The following XYLT1 variants were observed in gnomAD, a reference collection of about 807,000 sequenced individuals.
XYLT1 encodes xylosyltransferase 1, also known as beta-D-xylosyltransferase 1.
XYLT1 carries 36 observed loss-of-function variants against 91.3 expected under a neutral mutation model. The observed-to-expected ratio is 0.39, with a 90% confidence interval of 0.30 to 0.52. The LOEUF is 0.52. Among genes scored for constraint, XYLT1 ranks in the 20% least tolerant of loss-of-function variants. The pLI, the probability that XYLT1 is intolerant of heterozygous loss-of-function variation, is 0.68. For synonymous variants in XYLT1, 588 were observed against 532.0 expected (o/e 1.11, Z -1.45); for missense variants, 1,242 against 1,284.5 (o/e 0.97, Z 0.51).
intron 5 of XYLT1, among the ~76,000 whole-genome samples, chr16:17,178,802 G>A (rs568437589): frequency 6.6e-6 from 1 of 152,286 alleles, no homozygotes; most frequent in South Asian, 2.1e-4. Context: ...GGGCGTGGTG[G>A]CTCATGCCTG....
Position 17,437,134 on chromosome 16 carries a change from CATCT to C in XYLT1, c.363+33296_363+33299del, listed in dbSNP as rs527836561. 9.2e-5 allele frequency among the ~76,000 whole-genome samples: 14 copies of C among 152,234 alleles called. No individual in the cohort carries two copies. In the South Asian group the frequency reaches 2.9e-3, roughly 32 times the overall value. ...GTGAAGCCGAGCTCTAAACTCAGGC[CATCT>C]GTCTGAGGCTCTCAGTCCTTAGACT... On this transcript the variant is annotated intron_variant, in intron 1 of 11. Coordinates refer to ENST00000261381, the MANE Select transcript of XYLT1 (RefSeq NM_022166.4).
intron 2 of XYLT1, among the ~76,000 whole-genome samples, chr16:17,302,088 C>T (rs1369798123): frequency 2.0e-5 from 3 of 152,032 alleles, no homozygotes; most frequent in South Asian, 2.1e-4. Context: ...GGCATACACC[C>T]TAGCTACTCA....
intron 1 of XYLT1, among the ~76,000 whole-genome samples, chr16:17,458,685 C>T (rs1400231030): frequency 6.6e-6 from 1 of 152,088 alleles, no homozygotes; most frequent in Non-Finnish European, 1.5e-5. Flanking sequence ...CTTCCTTGAT[C>T]GTCATTAACC....
rs1437881449 is a variant in XYLT1, at chr16:17,101,963, T to C, written c.*6732A>G. The C allele has an allele frequency of 6.6e-6, 1 of 152,240 alleles. No individual in the cohort carries two copies. Among genetic ancestry groups the C allele is most frequent in the Non-Finnish European group, 1.5e-5 (1 of 68,042 alleles). 9.4% of individuals were successfully genotyped at this position (152,240 alleles called of 1,614,324 possible). A position where few individuals can be genotyped will look rare whatever the true frequency, so the allele number is the denominator to read the frequency against. On this transcript the variant is annotated 3_prime_UTR_variant, in exon 12 of 12. Coordinates refer to ENST00000261381, the MANE Select transcript of XYLT1 (RefSeq NM_022166.4). ...AACCAACCAGTTGGGTATAGGAAAC[T>C]GCAACTTTCCATGGCAGTCCCTTCT...
At chr16:17,469,308 C>T (rs1596564045) in intron 1 of XYLT1, among the ~76,000 whole-genome samples, 1 of 152,240 alleles carries the variant, frequency 6.6e-6, no homozygotes, top group African/African-American at 2.4e-5. Flanking sequence ...GTCTAATATC[C>T]TTTAACGGCT....
At chr16:17,421,761 C>A (rs547035620) in intron 1 of XYLT1, among the ~76,000 whole-genome samples, 4 of 152,290 alleles carry the variant, frequency 2.6e-5, no homozygotes, top group Non-Finnish European at 5.9e-5. Flanking sequence ...TCCTGATCCA[C>A]AAAATTAGGA....
At position 17,388,425 on chromosome 16, in the gene XYLT1, A is replaced by C. The variant is rs146507807; in HGVS notation, c.364-30375T>G. On this transcript the variant is annotated intron_variant, in intron 1 of 11. Coordinates refer to ENST00000261381, the MANE Select transcript of XYLT1 (RefSeq NM_022166.4). ...GTTCAGATAAAGTCTACAATTCATGAACAGGGCCTCAGGAACTAGTTAAGG... is the reference window on the plus strand; with the variant it reads ...GTTCAGATAAAGTCTACAATTCATGCACAGGGCCTCAGGAACTAGTTAAGG... 3.3e-4 allele frequency among the ~76,000 whole-genome samples: 50 copies of C among 152,262 alleles called. 1 individual carries two copies. Among genetic ancestry groups the C allele is most frequent in the Middle Eastern group, 6.8e-3 (2 of 294 alleles).
chr16:17,146,776 G>A (rs188747682), intron 6 of XYLT1, among the ~76,000 whole-genome samples: 40 of 152,274 alleles, frequency 2.6e-4, no homozygotes, highest in African/African-American at 8.7e-4. Flanking sequence ...CATGGGGCAA[G>A]CAATACATCT....
chr16:17,279,780 G>A (rs997820343), intron 2 of XYLT1, among the ~76,000 whole-genome samples: 1 of 152,178 alleles, frequency 6.6e-6, no homozygotes, highest in African/African-American at 2.4e-5. Flanking sequence ...TTACAGCCAA[G>A]GCAAAATGTG....
At chr16:17,288,778 C>T (rs1245080198) in intron 2 of XYLT1, among the ~76,000 whole-genome samples, 1 of 152,114 alleles carries the variant, frequency 6.6e-6, no homozygotes, top group Admixed American at 6.5e-5. Flanking sequence ...TTAGAGGCAG[C>T]CAATCTCCAG....
chr16:17,306,827 T>A (rs1319378431), intron 2 of XYLT1, among the ~76,000 whole-genome samples: 1 of 152,082 alleles, frequency 6.6e-6, no homozygotes, highest in African/African-American at 2.4e-5. Context: ...CTTACATTCA[T>A]GAAGTCAAAA....
At chr16:17,334,390 T>A (rs1488679757) in intron 2 of XYLT1, among the ~76,000 whole-genome samples, 1 of 152,136 alleles carries the variant, frequency 6.6e-6, no homozygotes, top group Non-Finnish European at 1.5e-5. Context: ...GCCAGGGCCT[T>A]TCTTCACAGG....
intron 2 of XYLT1, among the ~76,000 whole-genome samples, chr16:17,350,281 G>C (rs747213350): frequency 2.0e-5 from 3 of 152,190 alleles, no homozygotes; most frequent in Non-Finnish European, 2.9e-5. Flanking sequence ...ATCTCAACAC[G>C]ATCTATTTTT....
intron 1 of XYLT1, among the ~76,000 whole-genome samples, chr16:17,421,435 T>C (rs1030135853): frequency 6.6e-6 from 1 of 152,180 alleles, no homozygotes; most frequent in Non-Finnish European, 1.5e-5. Flanking sequence ...TGTGACTGCT[T>C]TGAGCAACAG....
At chr16:17,386,645 T>C (rs1327752114) in intron 1 of XYLT1, among the ~76,000 whole-genome samples, 2 of 152,208 alleles carry the variant, frequency 1.3e-5, no homozygotes, top group East Asian at 3.9e-4. Flanking sequence ...GTATTTCCGT[T>C]GCATGTCAAT....
chr16:17,138,181 G>A (rs2030823846), intron 8 of XYLT1, 174 bp downstream of exon 8: 1 of 706,100 alleles, frequency 1.4e-6, no homozygotes. Context: ...CATCCCTGAA[G>A]TAAGTGCTCA....
At chr16:17,334,864 C>T (rs1191549826) in intron 2 of XYLT1, among the ~76,000 whole-genome samples, 1 of 151,760 alleles carries the variant, frequency 6.6e-6, no homozygotes, top group Non-Finnish European at 1.5e-5. Flanking sequence ...GCCTGGGCGA[C>T]AGAGCGAGAC....
intron 11 of XYLT1, among the ~76,000 whole-genome samples, chr16:17,115,997 AAG>A (rs1966851589): frequency 1.4e-5 from 2 of 144,298 alleles, no homozygotes; most frequent in African/African-American, 2.5e-5. Context: ...AAAAAAAAAA[AAG>A]CAATCTTACA....
chr16:17,227,316 C>T (rs551070307), intron 3 of XYLT1: 5 of 152,458 alleles, frequency 3.3e-5, no homozygotes, highest in African/African-American at 1.2e-4. Flanking sequence ...GCATTCCACA[C>T]AGAGGCAACT....
Sources: gnomAD v4.1 joint callset for allele counts (sites outside exome capture counted in the v4.1 genomes callset) on GRCh38, gnomAD v4.1.1 for gene constraint, MANE v1.5 for transcripts, NCBI Gene and HGNC (gene_info 2026-07-23, HGNC 2026-07-21) for gene names.